The following TATDN2 variants were observed in gnomAD, a reference collection of about 807,000 sequenced individuals.
The protein encoded by TATDN2 is TatD DNase domain containing 2.
Under a neutral mutation model 60.3 loss-of-function variants are expected in TATDN2, and 44 were observed. The ratio of observed to expected loss-of-function variants is 0.73; its 90% CI spans 0.57 to 0.94. The LOEUF (loss-of-function observed/expected upper bound fraction) is 0.94. Ranked by LOEUF, TATDN2 falls within the 40% of genes least tolerant of loss-of-function variation. The pLI is 0.00. For missense variants in TATDN2, 997 were observed against 948.0 expected, an observed-to-expected ratio of 1.05 and a Z score of -0.68; for synonymous variants, 399 against 355.8, an observed-to-expected ratio of 1.12 and a Z score of -1.37.
intron 2 of TATDN2, among the ~76,000 whole-genome samples, chr3:10,257,877 G>GTTTTTTTTTTTTTTTTTTTTTTTTTT (rs1559460300): frequency 5.2e-5 from 1 of 19,404 alleles, no homozygotes; most frequent in African/African-American, 2.3e-4. Flanking sequence ...TTTTTTTTTT[G>GTTTTTTTTTTTTTTTTTTTTTTTTTT]GGAGATGGAG....
chr3:10,277,588 G>A (rs899617646), intron 5 of TATDN2, among the ~76,000 whole-genome samples: 6 of 152,298 alleles, frequency 3.9e-5, no homozygotes, highest in Non-Finnish European at 8.8e-5. Flanking sequence ...GGCTGTCAGG[G>A]CCTTTGGGTA....
chr3:10,260,449 G>C lies in TATDN2; in HGVS notation c.727G>C (p.Val243Leu). ...TAEGAARSVTVTAAQKEKDAT... is the reference protein window; with the variant it reads ...TAEGAARSVTLTAAQKEKDAT... ...AGAAGGAGCAGCCAGGAGTGTCACAGTCACTGCTGCTCAGAAGGAGAAAGA... is the reference window on the plus strand; with the variant it reads ...AGAAGGAGCAGCCAGGAGTGTCACACTCACTGCTGCTCAGAAGGAGAAAGA... The change falls in exon 3 of 8, where the codon GTC becomes CTC. Residue 243 changes from valine to leucine, a missense_variant. Transcript: ENST00000448281. 12 of 1,614,170 alleles carry C rather than the reference G, an allele frequency of 7.4e-6. No homozygotes were observed. The highest frequency in any genetic ancestry group is 1.0e-5 in the Non-Finnish European group (12 of 1,179,994).
chr3:10,262,219 C>T (rs144609864), intron 3 of TATDN2, among the ~76,000 whole-genome samples: 6 of 152,284 alleles, frequency 3.9e-5, no homozygotes, highest in Non-Finnish European at 5.9e-5. Flanking sequence ...GACTGCCTGC[C>T]GTCAGGCCAG....
intron 3 of TATDN2, among the ~76,000 whole-genome samples, chr3:10,265,833 A>G (rs1698469064): frequency 6.7e-6 from 1 of 149,874 alleles, no homozygotes; most frequent in Admixed American, 6.6e-5. Context: ...GGGAAAGGGC[A>G]GGCCATCTGC....
At position 10,249,467 on chromosome 3, in the gene TATDN2, G is replaced by A; in HGVS notation, c.267G>A (p.Leu89=). The change falls in exon 2 of 8, where the codon TTG becomes TTA. Residue 89 remains leucine, a synonymous_variant. Transcript: ENST00000448281. ...NSSSSFSPHF[L]GPGVGGAASK... ...CCTCCTCCTTCTCCCCACATTTCTT[G>A]GGCCCTGGTGTGGGCGGGGCCGCCT... The A allele has an allele frequency of 6.2e-7, 1 of 1,613,870 alleles. No homozygotes were observed. Among genetic ancestry groups the A allele is most frequent in the South Asian group, 1.1e-5 (1 of 91,080 alleles).
At chr3:10,265,409 G>T (rs866387140) in intron 3 of TATDN2, among the ~76,000 whole-genome samples, 4 of 150,276 alleles carry the variant, frequency 2.7e-5, no homozygotes, top group Middle Eastern at 3.4e-3. Flanking sequence ...TTAGCTGGGC[G>T]TGGGGCTCAT....
At chr3:10,258,789 C>T (rs1698355191) in intron 2 of TATDN2, among the ~76,000 whole-genome samples, 1 of 151,962 alleles carries the variant, frequency 6.6e-6, no homozygotes, top group African/African-American at 2.4e-5. Context: ...TCTCTTTCTA[C>T]TTCCCTGCAT....
intron 4 of TATDN2, among the ~76,000 whole-genome samples, chr3:10,273,539 T>G (rs1191537016): frequency 6.6e-6 from 1 of 151,990 alleles, no homozygotes; most frequent in African/African-American, 2.4e-5. Flanking sequence ...GGAGATTGCT[T>G]GAGCCTAGGA....
At position 10,270,437 on chromosome 3, in the gene TATDN2, T is replaced by C. The variant is rs150695751; in HGVS notation, c.1255T>C (p.Tyr419His). ...GKSSRSRMSDYSPNSTGSVQN... is the reference protein window; with the variant it reads ...GKSSRSRMSDHSPNSTGSVQN... ...GAGCAGCCGGAGCCGCATGAGTGAT[T>C]ATTCCCCCAACTCTACAGGGAGTGT... Residue 419 changes from tyrosine (Y) to histidine (H), a missense_variant, in exon 4 of 8, where the codon TAT (tyrosine) becomes CAT (histidine). Transcript: ENST00000448281. 460 of 1,614,056 alleles carry C rather than the reference T, an allele frequency of 2.8e-4. No individual in the cohort carries two copies. The highest frequency in any genetic ancestry group is 3.8e-4 in the Non-Finnish European group (449 of 1,180,038).
chr3:10,277,980 T>C (rs1698663095), intron 5 of TATDN2, among the ~76,000 whole-genome samples: 1 of 152,160 alleles, frequency 6.6e-6, no homozygotes, highest in African/African-American at 2.4e-5. Flanking sequence ...TTTGCTCCTC[T>C]TCAGTGTTAG....
At chr3:10,269,639 T>A (rs1287234266) in intron 3 of TATDN2, among the ~76,000 whole-genome samples, 1 of 152,056 alleles carries the variant, frequency 6.6e-6, no homozygotes, top group Non-Finnish European at 1.5e-5. Context: ...AGTTCAAGGT[T>A]TCAGTGAGTC....
In TATDN2 at chr3:10,278,132, C is replaced by A; in HGVS notation, c.1962-147C>A. 2 of 943,986 alleles carry A rather than the reference C, an allele frequency of 2.1e-6. No individual in the cohort carries two copies. Among genetic ancestry groups the A allele is most frequent in the East Asian group, 2.5e-5 (1 of 40,724 alleles). The allele number at this position is 943,986 out of a possible 1,614,324, so 58.5% of individuals were successfully genotyped here. On this transcript the variant is annotated intron_variant, in intron 5 of 7. Coordinates refer to ENST00000448281, the MANE Select transcript of TATDN2 (RefSeq NM_014760.4). The surrounding 1 kb of genome is among the most constrained non-coding windows in gnomAD (Gnocchi z 4.7). ...GGGGCTTCCTGTGTTGGAGCCAGCC[C>A]TTGTCTGTGTTTACTGTGGAGTCCT...
intron 4 of TATDN2, among the ~76,000 whole-genome samples, chr3:10,273,085 C>T (rs886353397): frequency 9.2e-5 from 14 of 152,022 alleles, no homozygotes; most frequent in Admixed American, 7.2e-4. Flanking sequence ...GGGCGACCTG[C>T]ACAACAAACT....
chr3:10,266,899 TTACCA>T (rs1238172209), intron 3 of TATDN2, among the ~76,000 whole-genome samples: 1 of 151,626 alleles, frequency 6.6e-6, no homozygotes, highest in African/African-American at 2.4e-5. Context: ...ACTTTAAATT[TTACCA>T]TACAGGCTTA....
chr3:10,260,508 G>A lies in TATDN2; in HGVS notation c.786G>A (p.Lys262=). ...ATPEVSMEED[K]TVPERSSFYD... Reference sequence around the variant, plus strand: ...CAGAGGTCAGCATGGAGGAGGATAAGACAGTGCCAGAGAGGAGCAGCTTCT... The same window carrying A: ...CAGAGGTCAGCATGGAGGAGGATAAAACAGTGCCAGAGAGGAGCAGCTTCT... The change falls in exon 3 of 8, where the codon AAG becomes AAA. Residue 262 remains lysine, a synonymous_variant. Coordinates refer to ENST00000448281, the MANE Select transcript of TATDN2 (RefSeq NM_014760.4). 6.2e-7 allele frequency: 1 copy of A among 1,614,108 alleles called. No individual in the cohort carries two copies. The highest frequency in any genetic ancestry group is 8.5e-7 in the Non-Finnish European group (1 of 1,179,966).
At chr3:10,254,485 G>T (rs1308478495) in intron 2 of TATDN2, among the ~76,000 whole-genome samples, 18 of 152,214 alleles carry the variant, frequency 1.2e-4, no homozygotes, top group Admixed American at 1.2e-3. Context: ...TGCGTGTTTG[G>T]AGGAAGGCAG....
Position 10,276,293 on chromosome 3 carries a change from C to T in TATDN2, c.1834-68C>T, listed in dbSNP as rs948755393. On this transcript the variant is annotated intron_variant, in intron 4 of 7. Coordinates refer to ENST00000448281, the MANE Select transcript of TATDN2 (RefSeq NM_014760.4). ...CACAGGGGGTGCCTGCTGGACTGGG[C>T]GTTCCAGAGGTGATGGACTTCTGAA... The T allele has an allele frequency of 1.3e-5, 20 of 1,575,824 alleles. 1 individual carries two copies. Among genetic ancestry groups the T allele is most frequent in the East Asian group, 2.3e-5 (1 of 44,404 alleles).
At chr3:10,249,839 G>A (rs909505042) in intron 2 of TATDN2, among the ~76,000 whole-genome samples, 8 of 152,194 alleles carry the variant, frequency 5.3e-5, no homozygotes, top group African/African-American at 1.9e-4. Flanking sequence ...CAGCACTTTG[G>A]AACTACTTGG....
intron 2 of TATDN2, among the ~76,000 whole-genome samples, chr3:10,257,888 T>G (rs984795144): frequency 1.6e-5 from 2 of 127,464 alleles, no homozygotes; most frequent in Non-Finnish European, 3.2e-5. Flanking sequence ...GGAGATGGAG[T>G]CTTACTCTGT....
Sources: gnomAD v4.1 joint callset for allele counts (sites outside exome capture counted in the v4.1 genomes callset) on GRCh38, gnomAD v4.1.1 for gene constraint, Gnocchi (gnomAD v3.1) non-coding constraint, MANE v1.5 for transcripts, NCBI Gene and HGNC (gene_info 2026-07-23, HGNC 2026-07-21) for gene names.